The following NRCAM variants were observed in gnomAD, a reference collection of about 807,000 sequenced individuals.
The protein encoded by NRCAM is neuronal cell adhesion molecule, also known as NgCAM-related cell adhesion molecule.
NRCAM carries 83 observed loss-of-function variants against 156.5 expected under a neutral mutation model. The ratio of observed to expected loss-of-function variants is 0.53; its 90% confidence interval spans 0.44 to 0.64. The LOEUF (loss-of-function observed/expected upper bound fraction) is 0.64, where lower values mean the gene tolerates loss of function less well. Among genes scored for constraint, NRCAM ranks in the 30% least tolerant of loss-of-function variants. NRCAM has a pLI of 0.00. For synonymous variants in NRCAM, 538 were observed against 563.9 expected, an observed-to-expected ratio of 0.95 and a Z score of 0.65; for missense variants, 1,417 against 1,597.3, an observed-to-expected ratio of 0.89 and a Z score of 1.92.
chr7:108,307,198 G>A (rs980637010), intron 3 of NRCAM, among the ~76,000 whole-genome samples: 2 of 152,214 alleles, frequency 1.3e-5, no homozygotes, highest in South Asian at 2.1e-4. Context: ...TCATGTGAGC[G>A]AAGCAGCAGC....
Position 108,172,515 on chromosome 7 carries a change from C to T in NRCAM, c.3187+2807G>A, listed in dbSNP as rs572237434. Among the ~76,000 whole-genome samples, 5 of 152,172 alleles carry T rather than the reference C, an allele frequency of 3.3e-5. No homozygotes were observed. The South Asian group carries it at 6.3e-4, about 19-fold the overall frequency. ...TTCACCATGTTGGCCAGGCTGGTCT[C>T]GAATTCCTGACCTCAAGTGATCTGC... is the stretch of plus-strand genomic sequence containing the variant. On this transcript the variant is annotated intron_variant, in intron 28 of 32. Transcript: ENST00000379028.
chr7:108,272,602 A>C (rs936251215), intron 3 of NRCAM, among the ~76,000 whole-genome samples: 2 of 151,996 alleles, frequency 1.3e-5, no homozygotes, highest in African/African-American at 2.4e-5. Flanking sequence ...TATGTTATAC[A>C]TATTTTTATA....
chr7:108,198,102 G>T lies in NRCAM; in HGVS notation c.1208-3C>A. The T allele has an allele frequency of 6.3e-7, 1 of 1,590,410 alleles. No individual in the cohort carries two copies. The highest frequency in any genetic ancestry group is 8.5e-7 in the Non-Finnish European group (1 of 1,172,470). ...TCTGCTGGGGTCATCAGGGGCAACTGTTTGGATGTAAAAATAGAAAGTATT... is the reference window on the plus strand; with the variant it reads ...TCTGCTGGGGTCATCAGGGGCAACTTTTTGGATGTAAAAATAGAAAGTATT... On this transcript the variant is annotated splice_polypyrimidine_tract_variant and splice_region_variant and intron_variant, in intron 13 of 32. Coordinates refer to ENST00000379028, the MANE Select transcript of NRCAM (RefSeq NM_001037132.4).
In NRCAM at chr7:108,344,166, C is replaced by CTGT. The variant is rs1317718889; in HGVS notation, c.-173-31436_-173-31435insACA. 5.9e-5 allele frequency among the ~76,000 whole-genome samples: 9 copies of CTGT among 152,290 alleles called. No homozygotes were observed. The East Asian group carries it at 1.3e-3, about 23-fold the overall frequency. On this transcript the variant is annotated intron_variant, in intron 2 of 32. Transcript: ENST00000379028. ...TGGGTTTTCCTGTTGAGAGGGGGTA[C>CTGT]TGAGAGACAGGACTAGCTGGATTTC... is the stretch of plus-strand genomic sequence containing the variant.
chr7:108,261,403 A>G (rs999044220), intron 3 of NRCAM, among the ~76,000 whole-genome samples: 2 of 152,184 alleles, frequency 1.3e-5, no homozygotes, highest in Non-Finnish European at 2.9e-5. Context: ...TGCTCCACAC[A>G]TTGTCTACAG....
intron 1 of NRCAM, among the ~76,000 whole-genome samples, chr7:108,455,901 C>A (rs1203616264): frequency 6.6e-6 from 1 of 152,210 alleles, no homozygotes; most frequent in Non-Finnish European, 1.5e-5. Flanking sequence ...CTGGGCAGGG[C>A]TTCCCGGAAA....
intron 1 of NRCAM, among the ~76,000 whole-genome samples, chr7:108,443,887 GATAGATACATACATAC>G (rs1458422767): frequency 1.3e-5 from 2 of 150,688 alleles, no homozygotes; most frequent in African/African-American, 2.5e-5. Flanking sequence ...GATATAGATA[GATAGATACATACATAC>G]ATACATACAT....
rs1030768550 is a variant in NRCAM, at chr7:108,148,007, G to A, written c.*1903C>T. Reference sequence around the variant, plus strand: ...ATATTTTCAAGAGACAGGTGGATCTGTGAAAAATGAATATAGAGACATGAA... The same window carrying A: ...ATATTTTCAAGAGACAGGTGGATCTATGAAAAATGAATATAGAGACATGAA... On this transcript the variant is annotated 3_prime_UTR_variant, in exon 33 of 33. Transcript: ENST00000379028. 4 of 152,650 alleles carry A rather than the reference G, an allele frequency of 2.6e-5. No individual in the cohort carries two copies. The highest frequency in any genetic ancestry group is 7.2e-5 in the African/African-American group (3 of 41,458). 9.5% of individuals were successfully genotyped at this position (152,650 alleles called of 1,614,324 possible).
At chr7:108,201,807 G>T (rs1254822491) in intron 13 of NRCAM, among the ~76,000 whole-genome samples, 2 of 152,158 alleles carry the variant, frequency 1.3e-5, no homozygotes, top group Non-Finnish European at 2.9e-5. Context: ...GCTAAATAGA[G>T]CAGTCTTCAA....
chr7:108,263,987 T>C (rs1486862570), intron 3 of NRCAM, among the ~76,000 whole-genome samples: 1 of 152,058 alleles, frequency 6.6e-6, no homozygotes, highest in Admixed American at 6.5e-5. Context: ...CTTTAGCATC[T>C]TTGTTTCTTT....
intron 20 of NRCAM, among the ~76,000 whole-genome samples, chr7:108,187,871 C>T (rs1337070980): frequency 2.0e-5 from 3 of 151,974 alleles, no homozygotes; most frequent in African/African-American, 4.8e-5. Flanking sequence ...AGGAGAATGG[C>T]GTGAACCCGG....
rs989252094 is a variant in NRCAM, at chr7:108,405,356, A to G, written c.-331-5763T>C. Among the ~76,000 whole-genome samples, 8 of 152,362 alleles carry G rather than the reference A, an allele frequency of 5.3e-5. No individual in the cohort carries two copies. The East Asian group carries it at 1.5e-3, about 29-fold the overall frequency. ...ACATGTTTTCGGGTATGAAAAAGGC[A>G]GGAGCCAGGAAGAAAGGAAGTGCTC... On this transcript the variant is annotated intron_variant, in intron 1 of 32. Transcript: ENST00000379028.
intron 10 of NRCAM, among the ~76,000 whole-genome samples, chr7:108,224,265 T>C (rs1157271908): frequency 6.6e-6 from 1 of 151,660 alleles, no homozygotes; most frequent in Non-Finnish European, 1.5e-5. Context: ...TATAAAGATA[T>C]GGTTATAGAA....
At chr7:108,327,443 T>C (rs2267884) in intron 2 of NRCAM, among the ~76,000 whole-genome samples, 85,137 of 151,982 alleles carry the variant, frequency 0.56, 24,230 homozygotes, top group Non-Finnish European at 0.61. Context: ...CCTAGGAAAA[T>C]GGCAGAGTGT....
intron 20 of NRCAM, 28 bp downstream of exon 20, chr7:108,189,617 C>T (rs370347596): frequency 5.4e-6 from 5 of 918,496 alleles, no homozygotes; most frequent in South Asian, 5.4e-5. Flanking sequence ...TTTAGTTGAT[C>T]GGAAATAGAG....
intron 3 of NRCAM, among the ~76,000 whole-genome samples, chr7:108,302,065 C>T (rs1592422284): frequency 6.7e-6 from 1 of 149,904 alleles, no homozygotes; most frequent in Non-Finnish European, 1.5e-5. Flanking sequence ...AAAAAAAAAA[C>T]CCACAACAAA....
chr7:108,168,456 A>T, intron 28 of NRCAM, 54 bp from the exon 29 acceptor site: 5 of 1,427,170 alleles, frequency 3.5e-6, no homozygotes, highest in Non-Finnish European at 4.6e-6. Flanking sequence ...CACCATACAC[A>T]CGAATATAAA....
intron 8 of NRCAM, among the ~76,000 whole-genome samples, chr7:108,228,680 C>CTT (rs1298398670): frequency 6.6e-6 from 1 of 152,154 alleles, no homozygotes; most frequent in Non-Finnish European, 1.5e-5. Flanking sequence ...GACTCTGAGA[C>CTT]TTTACATGTG....
intron 23 of NRCAM, 126 bp downstream of exon 23, chr7:108,182,569 T>C (rs2064122839): frequency 1.3e-6 from 1 of 749,004 alleles, no homozygotes; most frequent in Non-Finnish European, 2.3e-6. Flanking sequence ...GCTGTTTAAA[T>C]TCAGAGAAGT....
Sources: allele counts gnomAD v4.1 joint callset (sites outside exome capture counted in the v4.1 genomes callset), GRCh38; gene constraint gnomAD v4.1.1; transcripts MANE v1.5; gene names NCBI Gene and HGNC (gene_info 2026-07-23, HGNC 2026-07-21).